The following C2orf74 variants were observed in gnomAD, a reference collection of about 807,000 sequenced individuals.
C2orf74 encodes DPM1 ER membrane anchor 1.
Under a neutral mutation model 17.9 loss-of-function variants are expected in C2orf74, and 14 were observed. The ratio of observed to expected loss-of-function variants is 0.78; its 90% CI spans 0.52 to 1.22. The LOEUF (loss-of-function observed/expected upper bound fraction) is 1.22. C2orf74 is among the 50% of genes most tolerant of loss of function. The probability of loss-of-function intolerance (pLI) is 0.00; values close to 1 mark genes in which losing one functional copy is unlikely to be tolerated. For synonymous variants in C2orf74, 79 were observed against 72.6 expected (o/e 1.09, Z -0.44); for missense variants, 217 against 218.4 (o/e 0.99, Z 0.04).
chr2:61,159,342 G>A, upstream of C2orf74: 1 of 377,954 alleles, frequency 2.6e-6, no homozygotes, highest in East Asian at 9.1e-5. Flanking sequence ...TGTTGCCTAG[G>A]CTGGAGTGCA....
upstream of C2orf74, among the ~76,000 whole-genome samples, chr2:61,158,548 C>T (rs186329100): frequency 2.6e-5 from 4 of 152,324 alleles, no homozygotes; most frequent in African/African-American, 7.2e-5. Flanking sequence ...GAAAGCCAAT[C>T]ACTGAGACAA....
upstream of C2orf74, chr2:61,161,943 G>C (rs1212623063): frequency 6.5e-6 from 1 of 153,416 alleles, no homozygotes; most frequent in Non-Finnish European, 1.5e-5. Context: ...GGAAAGGAAA[G>C]GTGATGTTTG....
intron 4 of C2orf74, 109 bp downstream of exon 4, chr2:61,163,341 G>T: frequency 8.4e-7 from 1 of 1,190,394 alleles, no homozygotes; most frequent in Non-Finnish European, 1.2e-6. Flanking sequence ...CGGGCGGGTG[G>T]CTCACGCCTG....
chr2:61,160,345 G>C (rs898221670), upstream of C2orf74, among the ~76,000 whole-genome samples: 6 of 152,088 alleles, frequency 3.9e-5, no homozygotes, highest in Non-Finnish European at 7.4e-5. Context: ...ATTTTTAGTA[G>C]AGATGGGGTT....
chr2:61,149,582 T>C (rs1017808672), intron 1 of C2orf74, among the ~76,000 whole-genome samples: 6 of 143,400 alleles, frequency 4.2e-5, no homozygotes, highest in Non-Finnish European at 7.6e-5. Flanking sequence ...TTCTTTTTTT[T>C]TTTTTTTTTT....
intron 1 of C2orf74, among the ~76,000 whole-genome samples, chr2:61,152,936 A>G (rs934401536): frequency 2.6e-5 from 4 of 150,952 alleles, no homozygotes; most frequent in Non-Finnish European, 5.9e-5. Flanking sequence ...TGGGCGGATC[A>G]CCTGAGGTCA....
chr2:61,159,640 G>T (rs1468722504), upstream of C2orf74, among the ~76,000 whole-genome samples: 1 of 152,190 alleles, frequency 6.6e-6, no homozygotes, highest in Non-Finnish European at 1.5e-5. Flanking sequence ...CAGGTAAAGG[G>T]CTGAGGTAGG....
intron 1 of C2orf74, among the ~76,000 whole-genome samples, chr2:61,155,617 T>C (rs1373616733): frequency 6.6e-6 from 1 of 152,056 alleles, no homozygotes; most frequent in African/African-American, 2.4e-5. Flanking sequence ...ACCTCCTGCG[T>C]TCACTCTATT....
upstream of C2orf74, among the ~76,000 whole-genome samples, chr2:61,160,119 C>A (rs1177308): frequency 6.6e-6 from 1 of 151,860 alleles, no homozygotes; most frequent in African/African-American, 2.4e-5. Context: ...AGCATAATGC[C>A]TTCAAAATTC....
chr2:61,162,685 A>G (rs983613795), intron 2 of C2orf74, 76 bp downstream of exon 2: 33 of 1,118,030 alleles, frequency 3.0e-5, no homozygotes, highest in East Asian at 5.1e-5. Flanking sequence ...ATGTAAAACA[A>G]TTTAAAACAG....
chr2:61,155,543 C>T (rs1416011055), intron 1 of C2orf74, among the ~76,000 whole-genome samples: 4 of 150,800 alleles, frequency 2.7e-5, no homozygotes, highest in East Asian at 4.0e-4. Context: ...GTTTTTGAGA[C>T]GGAGTCTGGC....
At chr2:61,163,449 CA>C (rs1685632966) in intron 4 of C2orf74, among the ~76,000 whole-genome samples, 1 of 151,546 alleles carries the variant, frequency 6.6e-6, no homozygotes, top group South Asian at 2.1e-4. Context: ...ACTAAAAATA[CA>C]AAAATTAGCT....
At chr2:61,145,836 C>T (rs971241298) in intron 1 of C2orf74, among the ~76,000 whole-genome samples, 1 of 152,206 alleles carries the variant, frequency 6.6e-6, no homozygotes, top group Non-Finnish European at 1.5e-5. Context: ...GCTAGGATTA[C>T]AGGCCAGCTT....
At chr2:61,148,057 C>G (rs1573702538) in intron 1 of C2orf74, among the ~76,000 whole-genome samples, 1 of 150,394 alleles carries the variant, frequency 6.6e-6, no homozygotes, top group East Asian at 1.9e-4. Flanking sequence ...TGTGGGTTGC[C>G]TTTTAACATA....
Position 61,163,037 on chromosome 2 carries a change from C to T in C2orf74, c.210-15C>T, listed in dbSNP as rs558286869. 3.8e-5 allele frequency: 59 copies of T among 1,551,990 alleles called. No homozygotes were observed. The South Asian group carries it at 4.0e-4, about 11-fold the overall frequency. On this transcript the variant is annotated splice_polypyrimidine_tract_variant and intron_variant, in intron 3 of 4. Coordinates refer to ENST00000432605, the MANE Select transcript of C2orf74 (RefSeq NM_001143959.4). The stretch of plus-strand genomic sequence containing the variant: ...GATGCATGAATGTTTAAAACTCTAC[C>T]GATTAATTTTCTAGGATCTTAATGC...
At chr2:61,145,744 T>C (rs1027418492) in intron 1 of C2orf74, among the ~76,000 whole-genome samples, 11 of 152,126 alleles carry the variant, frequency 7.2e-5, no homozygotes, top group Admixed American at 5.9e-4. Flanking sequence ...TTATTTTTTC[T>C]GAGACAGGTG....
chr2:61,163,478 C>T (rs1685634979), intron 4 of C2orf74, among the ~76,000 whole-genome samples: 1 of 151,958 alleles, frequency 6.6e-6, no homozygotes, highest in Admixed American at 6.5e-5. Flanking sequence ...GTGGCACCCG[C>T]CTGTAATCCC....
chr2:61,151,974 G>C (rs1352154251), intron 1 of C2orf74: 5 of 152,342 alleles, frequency 3.3e-5, no homozygotes, highest in Non-Finnish European at 5.9e-5. Flanking sequence ...CAGTCTCTTA[G>C]AGACAATGGC....
intron 1 of C2orf74, among the ~76,000 whole-genome samples, chr2:61,153,742 A>C (rs112450524): frequency 6.6e-6 from 1 of 150,974 alleles, no homozygotes; most frequent in African/African-American, 2.4e-5. Context: ...TATAAAAATT[A>C]GCTGGGCATG....
Sources: allele counts gnomAD v4.1 joint callset (sites outside exome capture counted in the v4.1 genomes callset), GRCh38; gene constraint gnomAD v4.1.1; transcripts MANE v1.5; gene names NCBI Gene and HGNC (gene_info 2026-07-23, HGNC 2026-07-21).